The following WDR70 variants were observed in gnomAD, a reference collection of about 807,000 sequenced individuals.
The protein encoded by WDR70 is WD repeat domain 70, also known as WD repeat-containing protein 70.
A neutral mutation model predicts 88.6 loss-of-function variants in WDR70; 53 were observed. The observed-to-expected ratio is 0.60, with a 90% confidence interval of 0.48 to 0.75. The LOEUF is 0.75. Among genes scored for constraint, WDR70 ranks in the 30% least tolerant of loss-of-function variants. WDR70 has a pLI of 0.00. For missense variants in WDR70, 610 were observed against 823.2 expected, an observed-to-expected ratio of 0.74 and a Z score of 3.17; for synonymous variants, 280 against 270.0, an observed-to-expected ratio of 1.04 and a Z score of -0.36.
intron 10 of WDR70, among the ~76,000 whole-genome samples, chr5:37,658,271 TG>T (rs1474547539): frequency 6.6e-6 from 1 of 151,900 alleles, no homozygotes; most frequent in African/African-American, 2.4e-5. Flanking sequence ...AAACCTGTGC[TG>T]TTCAAAGGTC....
intron 9 of WDR70, among the ~76,000 whole-genome samples, chr5:37,558,706 C>T (rs367998623): frequency 2.6e-5 from 4 of 151,958 alleles, no homozygotes; most frequent in South Asian, 4.2e-4. Flanking sequence ...CTCTGTTCTG[C>T]GTTATCTGTC....
chr5:37,662,715 C>T (rs1745735419), intron 10 of WDR70, among the ~76,000 whole-genome samples: 3 of 152,078 alleles, frequency 2.0e-5, no homozygotes, highest in African/African-American at 7.2e-5. Flanking sequence ...TCATTTCTTC[C>T]ACCGTCTCTC....
chr5:37,381,882 C>T lies in WDR70; in HGVS notation c.175+197C>T, dbSNP rs548975877. On this transcript the variant is annotated intron_variant, in intron 3 of 17. Transcript: ENST00000265107. The stretch of plus-strand genomic sequence containing the variant: ...CAGCCTGGCCAACATGGTGAAACCC[C>T]ATCTCAACTAAAAATACAATAATTA... 166 of 394,470 alleles carry T rather than the reference C, an allele frequency of 4.2e-4. No homozygotes were observed. In the East Asian group the frequency reaches 8.0e-3, roughly 19 times the overall value. 24.4% of individuals were successfully genotyped at this position (394,470 alleles called of 1,614,324 possible). A position where few individuals can be genotyped will look rare whatever the true frequency, so the allele number is the denominator to read the frequency against.
chr5:37,416,010 G>T (rs1361922077), intron 5 of WDR70, among the ~76,000 whole-genome samples: 2 of 150,266 alleles, frequency 1.3e-5, no homozygotes, highest in African/African-American at 4.9e-5. Context: ...TGGCAGAGAC[G>T]CTCCTCACTT....
chr5:37,699,411 A>ACACACACACACACT (rs1747087114), intron 11 of WDR70, among the ~76,000 whole-genome samples: 1 of 150,106 alleles, frequency 6.7e-6, no homozygotes, highest in Non-Finnish European at 1.5e-5. Flanking sequence ...ATACACACAC[A>ACACACACACACACT]CACACACACA....
chr5:37,463,691 C>G (rs1037911398), intron 7 of WDR70, among the ~76,000 whole-genome samples: 1 of 152,242 alleles, frequency 6.6e-6, no homozygotes, highest in Non-Finnish European at 1.5e-5. Context: ...TTGGCTTTCT[C>G]TCTCTTCTCT....
intron 11 of WDR70, among the ~76,000 whole-genome samples, chr5:37,700,005 G>A (rs369306719): frequency 4.6e-5 from 7 of 151,280 alleles, no homozygotes; most frequent in African/African-American, 7.3e-5. Flanking sequence ...AAGCAATAAA[G>A]TAACATTCCA....
intron 11 of WDR70, 169 bp downstream of exon 11, chr5:37,697,923 T>C: frequency 1.9e-6 from 1 of 514,166 alleles, no homozygotes; most frequent in Non-Finnish European, 3.4e-6. Context: ...TGCAACATTG[T>C]TTGTATTAAA....
intron 9 of WDR70, among the ~76,000 whole-genome samples, chr5:37,570,595 G>A (rs1742872820): frequency 6.6e-6 from 1 of 152,080 alleles, no homozygotes. Flanking sequence ...AGTCCACAGA[G>A]TGCTAAGATC....
At chr5:37,675,227 C>G (rs1746164863) in intron 10 of WDR70, among the ~76,000 whole-genome samples, 1 of 152,082 alleles carries the variant, frequency 6.6e-6, no homozygotes, top group Non-Finnish European at 1.5e-5. Flanking sequence ...TGCAGAAGCT[C>G]TTTAGTTTAA....
chr5:37,450,839 A>ATG (rs375845131), intron 7 of WDR70, among the ~76,000 whole-genome samples: 17 of 151,704 alleles, frequency 1.1e-4, no homozygotes, highest in South Asian at 2.1e-4. Flanking sequence ...GTATATATTT[A>ATG]TGTGTGTGTG....
intron 13 of WDR70, among the ~76,000 whole-genome samples, chr5:37,710,182 AT>A (rs1413562297): frequency 1.3e-5 from 2 of 152,134 alleles, no homozygotes; most frequent in African/African-American, 2.4e-5. Context: ...TTTAGTGCTG[AT>A]TCCTTTTTAT....
At position 37,722,852 on chromosome 5, in the gene WDR70, T is replaced by C; in HGVS notation, c.1518-3T>C. On this transcript the variant is annotated splice_region_variant and splice_polypyrimidine_tract_variant and intron_variant, in intron 14 of 17. Transcript: ENST00000265107. ...GAAAATAATTTGCTTTTACACCCGT[T>C]AGGGGAGCAAAATTATGTGTGGTTA... 1 of 1,613,372 alleles carries C rather than the reference T, an allele frequency of 6.2e-7. No individual in the cohort carries two copies. Among genetic ancestry groups the C allele is most frequent in the Non-Finnish European group, 8.5e-7 (1 of 1,179,548 alleles).
At chr5:37,576,420 T>G (rs1281943165) in intron 9 of WDR70, among the ~76,000 whole-genome samples, 1 of 152,132 alleles carries the variant, frequency 6.6e-6, no homozygotes, top group Admixed American at 6.5e-5. Flanking sequence ...CTTACTTTTC[T>G]TGTCCATTGT....
At chr5:37,699,353 CACACACA>C in intron 11 of WDR70, among the ~76,000 whole-genome samples, 1 of 145,928 alleles carries the variant, frequency 6.9e-6, no homozygotes, top group African/African-American at 2.6e-5. Context: ...CACACACACA[CACACACA>C]GTGTGTGTGT....
intron 10 of WDR70, among the ~76,000 whole-genome samples, chr5:37,684,900 A>G (rs1746535715): frequency 6.6e-6 from 1 of 152,242 alleles, no homozygotes; most frequent in African/African-American, 2.4e-5. Context: ...CATTCCCAGC[A>G]GCAGTGGAGG....
rs1298954210 is a variant in WDR70, at chr5:37,506,076, T to TCAAGATTTGCA, written c.841-10435_841-10425dup. The TCAAGATTTGCA allele has an allele frequency of 2.3e-6, 3 of 1,290,698 alleles. No individual in the cohort carries two copies. The African/African-American group carries it at 4.4e-5, about 19-fold the overall frequency. 80.0% of individuals were successfully genotyped at this position (1,290,698 alleles called of 1,614,324 possible). On this transcript the variant is annotated intron_variant, in intron 8 of 17. Transcript: ENST00000265107. ...CACTGATCCAGAGAGATCACCTCAT[T>TCAAGATTTGCA]CAAGATTTGCACAGTAAAGATTTGC...
At chr5:37,529,130 G>C (rs1289041639) in intron 9 of WDR70, among the ~76,000 whole-genome samples, 1 of 152,036 alleles carries the variant, frequency 6.6e-6, no homozygotes, top group African/African-American at 2.4e-5. Flanking sequence ...TCAGTTGGCT[G>C]TAAGTTTTTG....
At position 37,722,631 on chromosome 5, in the gene WDR70, A is replaced by G. The variant is rs984913896; in HGVS notation, c.1518-224A>G. On this transcript the variant is annotated intron_variant, in intron 14 of 17. Transcript: ENST00000265107. ...GTCCTGTTGCCCTGTTACCTCTCCA[A>G]CCCTCTTGCTTGTTAATAACCACTG... 7.4e-6 allele frequency: 4 copies of G among 541,664 alleles called. No individual in the cohort carries two copies. In the African/African-American group the frequency reaches 7.6e-5, roughly 10 times the overall value. 33.6% of individuals were successfully genotyped at this position (541,664 alleles called of 1,614,324 possible).
Sources: allele counts gnomAD v4.1 joint callset (sites outside exome capture counted in the v4.1 genomes callset), GRCh38; gene constraint gnomAD v4.1.1; transcripts MANE v1.5; gene names NCBI Gene and HGNC (gene_info 2026-07-23, HGNC 2026-07-21).